Variants in FAAH2 observed in about 807,000 individuals in gnomAD.
FAAH2 encodes fatty-acid amide hydrolase 2.
Under a neutral mutation model 36.9 loss-of-function variants are expected in FAAH2, and 60 were observed. The observed-to-expected ratio is 1.63, with a 90% confidence interval of 1.32 to 2.02. FAAH2 has a LOEUF of 2.02. FAAH2 is among the 30% of genes most tolerant of loss of function. FAAH2 has a pLI of 0.00. For missense variants in FAAH2, 689 were observed against 397.5 expected, an observed-to-expected ratio of 1.73 and a Z score of -6.23; for synonymous variants, 214 against 143.8, an observed-to-expected ratio of 1.49 and a Z score of -3.49.
chrX:57,452,116 C>T, intron 10 of FAAH2: 2 of 745,528 alleles, frequency 2.7e-6, no homozygotes, highest in African/African-American at 2.3e-5. Context: ...GCTTTCTCCC[C>T]TCTCCCCACT....
At chrX:57,340,974 A>G (rs1283118351) in intron 4 of FAAH2, among the ~76,000 whole-genome samples, 2 of 111,485 alleles carry the variant, frequency 1.8e-5, no homozygotes, top group South Asian at 3.8e-4. Context: ...AAAAAAAAAT[A>G]AGAACTCTTT....
the FAAH2 span, among the ~76,000 whole-genome samples, chrX:57,215,906 C>CATATATATATAT: frequency 3.5e-4 from 31 of 89,532 alleles, no homozygotes; most frequent in African/African-American, 1.2e-3. Context: ...CCATGGCACT[C>CATATATATATAT]ATATATATAT....
chrX:57,441,089 G>A (rs2056542900), intron 8 of FAAH2, among the ~76,000 whole-genome samples: 2 of 111,298 alleles, frequency 1.8e-5, no homozygotes, highest in South Asian at 7.5e-4. Flanking sequence ...GTTTCTGCCA[G>A]GCTTTGGTAT....
chrX:57,123,487 G>C, the FAAH2 span, among the ~76,000 whole-genome samples: 1 of 112,438 alleles, frequency 8.9e-6, no homozygotes, highest in African/African-American at 3.2e-5. Flanking sequence ...CTTTATAGCA[G>C]CATGACTTAT....
chrX:57,400,990 G>A (rs1386207652), intron 7 of FAAH2, among the ~76,000 whole-genome samples: 1 of 111,146 alleles, frequency 9.0e-6, no homozygotes, highest in African/African-American at 3.3e-5. Context: ...AGGTGTGGTG[G>A]CGGGCGCCTG....
At chrX:57,141,831 G>A in the FAAH2 span, among the ~76,000 whole-genome samples, 1 of 110,529 alleles carries the variant, frequency 9.0e-6, no homozygotes, top group African/African-American at 3.3e-5. Context: ...ACTGAAGAAA[G>A]TGTAGGTTTG....
At chrX:57,339,298 A>T (rs1044558746) in intron 4 of FAAH2, among the ~76,000 whole-genome samples, 4 of 112,217 alleles carry the variant, frequency 3.6e-5, no homozygotes, top group African/African-American at 1.3e-4. Context: ...TAAAACACAA[A>T]ACTATAAAAA....
At chrX:57,273,004 T>C in the FAAH2 span, among the ~76,000 whole-genome samples, 2 of 112,020 alleles carry the variant, frequency 1.8e-5, no homozygotes, top group South Asian at 7.4e-4. Context: ...CAGTGTGCTG[T>C]ATTCAGAAGA....
At chrX:57,347,388 T>C (rs1000457472) in intron 5 of FAAH2, among the ~76,000 whole-genome samples, 2 of 111,415 alleles carry the variant, frequency 1.8e-5, no homozygotes, top group Non-Finnish European at 3.8e-5. Context: ...GAACTTTTTG[T>C]AGTGAAATGT....
At chrX:57,219,863 C>CTTTTTTTTTTTT in the FAAH2 span, among the ~76,000 whole-genome samples, 28 of 35,635 alleles carry the variant, frequency 7.9e-4, 6 homozygotes, top group African/African-American at 3.0e-3. Flanking sequence ...AGCGCCTTGT[C>CTTTTTTTTTTTT]TTTTTTTTTT....
chrX:57,328,056 C>T (rs1017250246), intron 3 of FAAH2, among the ~76,000 whole-genome samples: 1 of 112,140 alleles, frequency 8.9e-6, no homozygotes, highest in African/African-American at 3.2e-5. Context: ...TTCCTTCTAA[C>T]GGTCAGGACC....
At chrX:57,371,631 A>AC (rs2054553033) in intron 5 of FAAH2, among the ~76,000 whole-genome samples, 1 of 62,496 alleles carries the variant, frequency 1.6e-5, no homozygotes, top group Admixed American at 1.6e-4. Context: ...TCACAGTTCT[A>AC]TTTTTTGGGG....
intron 10 of FAAH2, among the ~76,000 whole-genome samples, chrX:57,480,838 C>T (rs1389655588): frequency 9.0e-6 from 1 of 111,235 alleles, no homozygotes; most frequent in South Asian, 3.8e-4. Flanking sequence ...TGCTGTCTAA[C>T]TTGATTCCAT....
At chrX:57,269,290 C>T in the FAAH2 span, among the ~76,000 whole-genome samples, 1 of 110,883 alleles carries the variant, frequency 9.0e-6, no homozygotes, top group Middle Eastern at 4.7e-3. Context: ...ATTTTAACAC[C>T]CCATTGACAA....
the FAAH2 span, among the ~76,000 whole-genome samples, chrX:57,213,251 C>A: frequency 9.0e-6 from 1 of 111,263 alleles, no homozygotes; most frequent in African/African-American, 3.3e-5. Flanking sequence ...AGTGGGCTAT[C>A]AATTTGGTTT....
chrX:57,456,496 C>A (rs2056867088), intron 10 of FAAH2, among the ~76,000 whole-genome samples: 1 of 111,677 alleles, frequency 9.0e-6, no homozygotes, highest in Non-Finnish European at 1.9e-5. Flanking sequence ...TCAATGAAAA[C>A]AAGTGTTGCT....
chrX:57,159,503 T>C, the FAAH2 span, among the ~76,000 whole-genome samples: 2 of 111,146 alleles, frequency 1.8e-5, no homozygotes, highest in Non-Finnish European at 3.8e-5. Flanking sequence ...GTTTGTATCC[T>C]CTTTTATTTC....
intron 3 of FAAH2, among the ~76,000 whole-genome samples, chrX:57,325,093 T>G (rs1327768099): frequency 8.9e-6 from 1 of 112,438 alleles, no homozygotes; most frequent in Non-Finnish European, 1.9e-5. Context: ...TCTATTGAGA[T>G]AATCAAATGG....
chrX:57,341,870 C>A (rs2053696569), intron 5 of FAAH2, among the ~76,000 whole-genome samples: 1 of 110,902 alleles, frequency 9.0e-6, no homozygotes, highest in Non-Finnish European at 1.9e-5. Flanking sequence ...ATTCTGTCAC[C>A]TAGAAACTCC....
Sources: allele counts gnomAD v4.1 joint callset (sites outside exome capture counted in the v4.1 genomes callset), GRCh38; gene constraint gnomAD v4.1.1; transcripts MANE v1.5; gene names NCBI Gene and HGNC (gene_info 2026-07-23, HGNC 2026-07-21).